Variants in HECW1 observed in about 807,000 individuals in gnomAD.
HECW1 encodes E3 ubiquitin-protein ligase HECW1.
HECW1 carries 61 observed loss-of-function variants against 182.3 expected under a neutral mutation model. That is an observed-to-expected ratio of 0.33 (90% CI 0.27 to 0.41). HECW1 has a LOEUF of 0.41. Among genes scored for constraint, HECW1 ranks in the 10% least tolerant of loss-of-function variants. The pLI is 1.00. For missense variants in HECW1, 1,739 were observed against 2,108.9 expected, an observed-to-expected ratio of 0.82 and a Z score of 3.44; for synonymous variants, 859 against 832.6, an observed-to-expected ratio of 1.03 and a Z score of -0.55.
At chr7:43,453,871 A>G (rs2217740) in intron 12 of HECW1, among the ~76,000 whole-genome samples, 86,289 of 152,038 alleles carry the variant, frequency 0.57, 25,272 homozygotes, top group South Asian at 0.72. Context: ...GTTCCATTTC[A>G]AATTTATTTC....
intron 3 of HECW1, chr7:43,274,642 AGG>A: frequency 1.7e-5 from 6 of 348,522 alleles, no homozygotes; most frequent in South Asian, 4.9e-5. Context: ...CGGGGGAGGG[AGG>A]GAGAGAGAGA....
intron 11 of HECW1, among the ~76,000 whole-genome samples, chr7:43,446,212 G>C (rs2077050497): frequency 6.6e-6 from 1 of 152,164 alleles, no homozygotes; most frequent in Non-Finnish European, 1.5e-5. Flanking sequence ...AAAATAACAT[G>C]ATTGTGTATA....
At chr7:43,480,929 A>G (rs1298534808) in intron 17 of HECW1, among the ~76,000 whole-genome samples, 2 of 152,194 alleles carry the variant, frequency 1.3e-5, no homozygotes, top group Non-Finnish European at 2.9e-5. Flanking sequence ...AGTCCTGTGT[A>G]TACTCTGAGA....
At chr7:43,549,790 G>A (rs763274643) in intron 26 of HECW1, among the ~76,000 whole-genome samples, 2 of 152,184 alleles carry the variant, frequency 1.3e-5, no homozygotes, top group Non-Finnish European at 2.9e-5. Context: ...CTGGCCAGCT[G>A]TGGGAGTGGA....
At chr7:43,469,932 A>G (rs761479600) in intron 16 of HECW1, among the ~76,000 whole-genome samples, 66 of 152,308 alleles carry the variant, frequency 4.3e-4, no homozygotes, top group Non-Finnish European at 6.9e-4. Context: ...CTGATGGGGC[A>G]TCAATGTCCC....
intron 24 of HECW1, among the ~76,000 whole-genome samples, chr7:43,527,916 T>C (rs1029127807): frequency 8.5e-5 from 13 of 152,204 alleles, no homozygotes; most frequent in Non-Finnish European, 1.9e-4. Flanking sequence ...ATAAAGCAAA[T>C]TCACAAAAAA....
At chr7:43,205,166 C>A (rs965187641) in intron 2 of HECW1, among the ~76,000 whole-genome samples, 4 of 151,982 alleles carry the variant, frequency 2.6e-5, no homozygotes, top group African/African-American at 9.7e-5. Context: ...TCACTGCAAC[C>A]TTCACCTCTT....
intron 12 of HECW1, among the ~76,000 whole-genome samples, chr7:43,451,657 T>A (rs919334754): frequency 6.6e-6 from 1 of 152,228 alleles, no homozygotes; most frequent in Admixed American, 6.5e-5. Flanking sequence ...AGTCTCTAGA[T>A]ACCATTCTAG....
intron 25 of HECW1, 41 bp downstream of exon 25, chr7:43,541,302 T>C: frequency 1.3e-6 from 2 of 1,491,784 alleles, no homozygotes; most frequent in Non-Finnish European, 1.9e-6. Context: ...CAGCCCTGTC[T>C]GCAGGGCAAG....
chr7:43,209,217 G>A (rs756276585), intron 2 of HECW1, among the ~76,000 whole-genome samples: 4 of 152,198 alleles, frequency 2.6e-5, no homozygotes, highest in East Asian at 1.9e-4. Flanking sequence ...GATCGCCATC[G>A]TGGTAAATGG....
chr7:43,254,209 C>T (rs1003921807), intron 3 of HECW1, among the ~76,000 whole-genome samples: 1 of 152,152 alleles, frequency 6.6e-6, no homozygotes, highest in Non-Finnish European at 1.5e-5. Flanking sequence ...TTAGTCTTAT[C>T]GTCAGGTCTT....
chr7:43,369,294 A>G (rs1817019656), intron 6 of HECW1, among the ~76,000 whole-genome samples: 1 of 152,094 alleles, frequency 6.6e-6, no homozygotes, highest in African/African-American at 2.4e-5. Flanking sequence ...CTCCATCTCT[A>G]CTAAAAATAC....
intron 2 of HECW1, among the ~76,000 whole-genome samples, chr7:43,218,374 CAA>C (rs1041312820): frequency 6.6e-6 from 1 of 152,150 alleles, no homozygotes; most frequent in Non-Finnish European, 1.5e-5. Flanking sequence ...TTTTTCCAAA[CAA>C]GAGGACAAGA....
intron 2 of HECW1, among the ~76,000 whole-genome samples, chr7:43,223,593 T>C (rs550393123): frequency 2.6e-5 from 4 of 151,828 alleles, no homozygotes; most frequent in Non-Finnish European, 4.4e-5. Context: ...CACTCCAGCT[T>C]GGGCAACAAG....
chr7:43,369,228 G>A (rs1817010505), intron 6 of HECW1, among the ~76,000 whole-genome samples: 1 of 152,174 alleles, frequency 6.6e-6, no homozygotes, highest in African/African-American at 2.4e-5. Context: ...GGAGGCCGAG[G>A]CAGGCAGATC....
At chr7:43,256,572 G>A (rs918570086) in intron 3 of HECW1, among the ~76,000 whole-genome samples, 2 of 146,696 alleles carry the variant, frequency 1.4e-5, no homozygotes, top group Non-Finnish European at 3.0e-5. Flanking sequence ...TTGCGCCACT[G>A]CACTCTAGCC....
chr7:43,492,572 G>A (rs1333827832), intron 18 of HECW1, among the ~76,000 whole-genome samples: 1 of 152,200 alleles, frequency 6.6e-6, no homozygotes, highest in Non-Finnish European at 1.5e-5. Context: ...AAAGTTTGCA[G>A]TGTCCATTCC....
intron 3 of HECW1, among the ~76,000 whole-genome samples, chr7:43,296,745 G>A (rs1190244225): frequency 1.3e-5 from 2 of 152,172 alleles, no homozygotes; most frequent in South Asian, 2.1e-4. Context: ...TTCCAACAAC[G>A]TTCTTCTTGA....
chr7:43,252,076 A>G (rs1800097543), intron 3 of HECW1, among the ~76,000 whole-genome samples: 1 of 152,208 alleles, frequency 6.6e-6, no homozygotes, highest in Admixed American at 6.5e-5. Flanking sequence ...CTTAACACAC[A>G]GAATATTTCC....
Sources: allele counts gnomAD v4.1 joint callset (sites outside exome capture counted in the v4.1 genomes callset), GRCh38; gene constraint gnomAD v4.1.1; transcripts MANE v1.5; gene names NCBI Gene and HGNC (gene_info 2026-07-23, HGNC 2026-07-21).